Variants in VAX2 observed in about 807,000 individuals in gnomAD.
The protein encoded by VAX2 is ventral anterior homeobox 2.
VAX2 carries 8 observed loss-of-function variants against 12.5 expected under a neutral mutation model. That is an observed-to-expected ratio of 0.64 (90% confidence interval 0.37 to 1.15). VAX2 has a LOEUF of 1.15. Among genes scored for constraint, VAX2 ranks in the 50% most tolerant of loss-of-function variants. The pLI is 0.01. For missense variants in VAX2, 476 were observed against 412.9 expected (o/e 1.15, Z -1.32); for synonymous variants, 183 against 187.6 (o/e 0.98, Z 0.20).
At chr2:70,909,399 AC>A (rs1553410964) in intron 1 of VAX2, among the ~76,000 whole-genome samples, 2 of 151,838 alleles carry the variant, frequency 1.3e-5, no homozygotes, top group Non-Finnish European at 2.9e-5. Flanking sequence ...ACAGGGTTTC[AC>A]CATATTGAGG....
rs150891703 is a variant in VAX2, at chr2:70,910,077, ATAATAGTAT to A, written c.247+9212_247+9220del. On this transcript the variant is annotated intron_variant, in intron 1 of 2. Transcript: ENST00000234392. The stretch of plus-strand genomic sequence containing the variant: ...GGAATAATTGTCGATTTTTATTGTG[ATAATAGTAT>A]TATAGGTGACTTTTTTAAGAGTCCC... 2.7e-3 allele frequency among the ~76,000 whole-genome samples: 407 copies of A among 152,196 alleles called. 7 individuals are homozygous for A. In the East Asian group the frequency reaches 0.056, roughly 21 times the overall value.
At position 70,921,189 on chromosome 2, in the gene VAX2, GC is replaced by G; in HGVS notation, c.340del (p.Leu114CysfsTer26). On this transcript the variant is annotated frameshift_variant, in exon 2 of 3. Transcript: ENST00000234392. LOFTEE classifies it high-confidence loss of function. ...RTRTSFTAEQ[L>X]YRLEMEFQRC... The stretch of plus-strand genomic sequence containing the variant: ...CACGTACATCCTTCACTGCCGAGCA[GC>G]TGTACCGCCTGGAGATGGAGTTCCA... 6.2e-7 allele frequency: 1 copy of G among 1,613,768 alleles called. No individual in the cohort carries two copies. The highest frequency in any genetic ancestry group is 8.5e-7 in the Non-Finnish European group (1 of 1,179,956).
chr2:70,911,460 T>C (rs1679182822), intron 1 of VAX2, among the ~76,000 whole-genome samples: 1 of 152,202 alleles, frequency 6.6e-6, no homozygotes, highest in Non-Finnish European at 1.5e-5. Context: ...TAGAAAGCTC[T>C]ATAAAAATGC....
intron 1 of VAX2, among the ~76,000 whole-genome samples, chr2:70,903,719 C>T (rs1449266812): frequency 6.6e-6 from 1 of 152,068 alleles, no homozygotes; most frequent in African/African-American, 2.4e-5. Flanking sequence ...AGGTGACCCA[C>T]GAACCACTTT....
Position 70,933,049 on chromosome 2 carries a change from C to T in VAX2, c.718C>T (p.Pro240Ser), listed in dbSNP as rs368886091. The change falls in exon 3 of 3, where the codon CCA (proline) becomes TCA (serine). Residue 240 changes from proline (P) to serine (S), a missense_variant. Pro to Ser is a moderately conservative substitution (Grantham distance 74). Coordinates refer to ENST00000234392, the MANE Select transcript of VAX2 (RefSeq NM_012476.3). ...NPLSSASASPPLPPPLPAVCF... is the reference protein window; with the variant it reads ...NPLSSASASPSLPPPLPAVCF... ...GCTGTCCTCGGCCTCAGCGTCCCCC[C>T]CACTGCCGCCCCCTCTGCCAGCTGT... is the stretch of plus-strand genomic sequence containing the variant. 16 of 1,602,642 alleles carry T rather than the reference C, an allele frequency of 1.0e-5. No individual in the cohort carries two copies. The highest frequency in any genetic ancestry group is 1.4e-5 in the Non-Finnish European group (16 of 1,174,712).
chr2:70,914,380 C>T (rs578208601), intron 1 of VAX2, among the ~76,000 whole-genome samples: 40 of 152,216 alleles, frequency 2.6e-4, no homozygotes, highest in South Asian at 2.3e-3. Context: ...ACCCGGGAGG[C>T]GGAGGCTGCA....
At chr2:70,920,544 A>C (rs1199550898) in intron 1 of VAX2, among the ~76,000 whole-genome samples, 1 of 152,052 alleles carries the variant, frequency 6.6e-6, no homozygotes, top group African/African-American at 2.4e-5. Context: ...TCAGCTCCCC[A>C]GACTGTCCTC....
rs782550166 is a variant in VAX2 at position 70,904,216 on chromosome 2, T to G, written c.247+3348T>G. ...GCGGGGACGGGGAAATCCTTTTGTT[T>G]TATATTGGAAACCTTACGCCAAAGG... On this transcript the variant is annotated intron_variant, in intron 1 of 2. Transcript: ENST00000234392. This position sits in a 1 kb window ranked among gnomAD's most constrained non-coding sequence, Gnocchi z 4.2. Among the ~76,000 whole-genome samples, 9 of 152,166 alleles carry G rather than the reference T, an allele frequency of 5.9e-5. No homozygotes were observed. The highest frequency in any genetic ancestry group is 2.1e-4 in the South Asian group (1 of 4,834).
intron 2 of VAX2, among the ~76,000 whole-genome samples, chr2:70,925,476 G>A (rs998983040): frequency 1.2e-4 from 18 of 152,206 alleles, no homozygotes; most frequent in African/African-American, 3.1e-4. Context: ...TGAGAAACTG[G>A]GGGAGAAGCA....
At chr2:70,907,613 C>G (rs1423561659) in intron 1 of VAX2, among the ~76,000 whole-genome samples, 4 of 152,268 alleles carry the variant, frequency 2.6e-5, no homozygotes, top group African/African-American at 7.2e-5. Flanking sequence ...ACCCGCGGAG[C>G]TGCGGAAGCC....
At chr2:70,931,505 A>G (rs1471731792) in intron 2 of VAX2, among the ~76,000 whole-genome samples, 1 of 152,206 alleles carries the variant, frequency 6.6e-6, no homozygotes, top group Admixed American at 6.5e-5. Flanking sequence ...GCCAGCATGG[A>G]TGCAGAGACC....
intron 2 of VAX2, 28 bp from the exon 3 acceptor site, chr2:70,932,739 T>A (rs1679723131): frequency 2.4e-6 from 3 of 1,244,260 alleles, no homozygotes; most frequent in South Asian, 1.6e-5. Flanking sequence ...CCCATCTCCC[T>A]CCTTGACACC....
chr2:70,923,465 C>T (rs1553413131), intron 2 of VAX2, among the ~76,000 whole-genome samples: 1 of 152,192 alleles, frequency 6.6e-6, no homozygotes. Context: ...CAGTTCAATA[C>T]TGACACTAAT....
chr2:70,923,795 CG>C (rs78248020), intron 2 of VAX2, among the ~76,000 whole-genome samples: 47,836 of 151,840 alleles, frequency 0.32, 7,737 homozygotes, highest in East Asian at 0.49. Flanking sequence ...AGCACTTCCA[CG>C]TGTTCGCCAA....
At chr2:70,929,698 A>AAAT (rs1553414038) in intron 2 of VAX2, among the ~76,000 whole-genome samples, 1 of 151,730 alleles carries the variant, frequency 6.6e-6, no homozygotes, top group Non-Finnish European at 1.5e-5. Context: ...AAAAAAAAAA[A>AAAT]CAATGTATAT....
rs116096279 is a variant in VAX2 at position 70,905,244 on chromosome 2, G to T, written c.247+4376G>T. Among the ~76,000 whole-genome samples the T allele has an allele frequency of 3.6e-3, 541 of 152,282 alleles. 1 individual carries two copies. Among genetic ancestry groups the T allele is most frequent in the African/African-American group, 0.013 (520 of 41,556 alleles). On this transcript the variant is annotated intron_variant, in intron 1 of 2. Coordinates refer to ENST00000234392, the MANE Select transcript of VAX2 (RefSeq NM_012476.3). ...CAGCCCCCAAGGCAGACGTGGAAAG[G>T]TGTAAATGGTTCATGCAAGGAATTG...
In VAX2 at chr2:70,933,057, G is replaced by A. The variant is rs782578149; in HGVS notation, c.726G>A (p.Pro242=). 6.5e-5 allele frequency: 105 copies of A among 1,604,352 alleles called. No homozygotes were observed. Among genetic ancestry groups the A allele is most frequent in the Admixed American group, 1.2e-4 (7 of 58,574 alleles). ...CGGCCTCAGCGTCCCCCCCACTGCCGCCCCCTCTGCCAGCTGTCTGCTTTT... is the reference window on the plus strand; with the variant it reads ...CGGCCTCAGCGTCCCCCCCACTGCCACCCCCTCTGCCAGCTGTCTGCTTTT... ...LSSASASPPL[P]PPLPAVCFSS... Residue 242 remains proline (P), a synonymous_variant, in exon 3 of 3, where the codon CCG becomes CCA. Transcript: ENST00000234392.
At position 70,932,753 on chromosome 2, in the gene VAX2, T is replaced by A. The variant is rs1230610528; in HGVS notation, c.436-14T>A. The stretch of plus-strand genomic sequence containing the variant: ...TCCCATCTCCCTCCTTGACACCCCC[T>A]CCCCCACCCCAAGGTGAAGGTCTGG... On this transcript the variant is annotated splice_polypyrimidine_tract_variant and intron_variant, in intron 2 of 2. Transcript: ENST00000234392. 3.6e-5 allele frequency: 41 copies of A among 1,154,432 alleles called. No homozygotes were observed. The highest frequency in any genetic ancestry group is 6.2e-5 in the East Asian group (1 of 16,048). 71.5% of individuals were successfully genotyped at this position (1,154,432 alleles called of 1,614,324 possible).
intron 1 of VAX2, among the ~76,000 whole-genome samples, chr2:70,916,255 A>G (rs1679303229): frequency 6.6e-6 from 1 of 152,242 alleles, no homozygotes; most frequent in African/African-American, 2.4e-5. Flanking sequence ...GAGAAGTCCC[A>G]TGTATCCATC....
Sources: gnomAD v4.1 joint callset for allele counts (sites outside exome capture counted in the v4.1 genomes callset) on GRCh38, gnomAD v4.1.1 for gene constraint, Gnocchi (gnomAD v3.1) non-coding constraint, MANE v1.5 for transcripts, NCBI Gene and HGNC (gene_info 2026-07-23, HGNC 2026-07-21) for gene names.